The following MAP2K6 variants were observed in gnomAD, a reference collection of about 807,000 sequenced individuals.
MAP2K6 encodes mitogen-activated protein kinase kinase 6, also known as dual specificity mitogen-activated protein kinase kinase 6.
Under a neutral mutation model 53.7 loss-of-function variants are expected in MAP2K6, and 16 were observed. The ratio of observed to expected loss-of-function variants is 0.30; its 90% CI spans 0.20 to 0.45. The LOEUF (loss-of-function observed/expected upper bound fraction) is 0.45, where lower values mean the gene tolerates loss of function less well. Among genes scored for constraint, MAP2K6 ranks in the 20% least tolerant of loss-of-function variants. The pLI is 1.00. For synonymous variants in MAP2K6, 132 were observed against 143.1 expected (o/e 0.92, Z 0.55); for missense variants, 204 against 411.9 (o/e 0.50, Z 4.37).
intron 1 of MAP2K6, among the ~76,000 whole-genome samples, chr17:69,425,469 C>T (rs1349937075): frequency 6.6e-6 from 1 of 152,092 alleles, no homozygotes; most frequent in South Asian, 2.1e-4. Context: ...CCCACCACCA[C>T]ACCCAGCTAC....
intron 1 of MAP2K6, among the ~76,000 whole-genome samples, chr17:69,486,495 T>C (rs1205115276): frequency 1.3e-5 from 2 of 152,224 alleles, no homozygotes; most frequent in African/African-American, 4.8e-5. Context: ...CTGAGACTGA[T>C]GAGTGTTCTA....
intron 2 of MAP2K6, among the ~76,000 whole-genome samples, chr17:69,516,342 A>G (rs1488496623): frequency 6.6e-6 from 1 of 152,004 alleles, no homozygotes; most frequent in Non-Finnish European, 1.5e-5. Flanking sequence ...CTCCTATGAG[A>G]ATCTAATGCC....
intron 1 of MAP2K6, among the ~76,000 whole-genome samples, chr17:69,417,246 T>C (rs533961141): frequency 5.9e-5 from 9 of 152,206 alleles, no homozygotes; most frequent in Non-Finnish European, 1.2e-4. Context: ...CAAAATACTT[T>C]TTGCAGTACC....
intron 1 of MAP2K6, among the ~76,000 whole-genome samples, chr17:69,454,144 G>T (rs1423147342): frequency 6.6e-6 from 1 of 152,208 alleles, no homozygotes; most frequent in Non-Finnish European, 1.5e-5. Flanking sequence ...AGCAATAAAA[G>T]AAATATCAGG....
In MAP2K6 at chr17:69,550,674, G is replaced by GC. The variant is rs1912060364; in HGVS notation, c.*8925dup. On this transcript the variant is annotated 3_prime_UTR_variant, in exon 12 of 12. Transcript: ENST00000590474. ...TGGTTTTCAGACCATATTCAGTGGTGCCCCTGAGGGTCTCTTGTGAACAGA... is the reference window on the plus strand; with the variant it reads ...TGGTTTTCAGACCATATTCAGTGGTGCCCCCTGAGGGTCTCTTGTGAACAGA... 6.6e-6 allele frequency: 1 copy of GC among 152,182 alleles called. No homozygotes were observed. The highest frequency in any genetic ancestry group is 1.5e-5 in the Non-Finnish European group (1 of 68,040). The allele number at this position is 152,182 out of a possible 1,614,324, so 9.4% of individuals were successfully genotyped here. A position where few individuals can be genotyped will look rare whatever the true frequency, so the allele number is the denominator to read the frequency against.
chr17:69,506,269 A>G (rs181764041), intron 2 of MAP2K6, among the ~76,000 whole-genome samples: 256 of 148,486 alleles, frequency 1.7e-3, no homozygotes, highest in African/African-American at 6.2e-3. Flanking sequence ...TCTGTCCCAT[A>G]TAAACAGAAG....
rs370993805 is a variant in MAP2K6 at position 69,527,981 on chromosome 17, G to C, written c.881+1272G>C. ...AAATACAAAAAATTAACTGGGCATG[G>C]TGGTGGACAGCTGTAATCTCGGGAG... On this transcript the variant is annotated intron_variant, in intron 10 of 11. Coordinates refer to ENST00000590474, the MANE Select transcript of MAP2K6 (RefSeq NM_002758.4). Among the ~76,000 whole-genome samples the C allele has an allele frequency of 5.9e-5, 9 of 152,086 alleles. No individual in the cohort carries two copies. The East Asian group carries it at 9.7e-4, about 16-fold the overall frequency.
At chr17:69,415,094 T>G in intron 1 of MAP2K6, 94 bp downstream of exon 1, 1 of 1,271,978 alleles carries the variant, frequency 7.9e-7, no homozygotes, top group Non-Finnish European at 1.1e-6. Flanking sequence ...GAGTGCATTT[T>G]TAAGTTTGAG....
intron 1 of MAP2K6, 39 bp from the exon 2 acceptor site, chr17:69,505,741 A>G (rs1430253410): frequency 6.5e-7 from 1 of 1,529,516 alleles, no homozygotes; most frequent in Admixed American, 1.7e-5. Context: ...TCTTGCTATG[A>G]TTTAGTCCTT....
chr17:69,414,874 T>C lies in MAP2K6; in HGVS notation c.-111T>C. Reference sequence around the variant, plus strand: ...TGCATCGGTCAAGAGAAACTCCACTTGCATGAAGATTGCACGCCTGCAGCT... The same window carrying C: ...TGCATCGGTCAAGAGAAACTCCACTCGCATGAAGATTGCACGCCTGCAGCT... On this transcript the variant is annotated 5_prime_UTR_variant, in exon 1 of 12. Transcript: ENST00000590474. 1 of 956,684 alleles carries C rather than the reference T, an allele frequency of 1.0e-6. No homozygotes were observed. Among genetic ancestry groups the C allele is most frequent in the African/African-American group, 1.6e-5 (1 of 61,172 alleles). The allele number at this position is 956,684 out of a possible 1,614,324, so 59.3% of individuals were successfully genotyped here. A position where few individuals can be genotyped will look rare whatever the true frequency, so the allele number is the denominator to read the frequency against.
At chr17:69,511,094 A>G (rs961781105) in intron 2 of MAP2K6, among the ~76,000 whole-genome samples, 1 of 152,124 alleles carries the variant, frequency 6.6e-6, no homozygotes, top group South Asian at 2.1e-4. Flanking sequence ...TATAAATTTT[A>G]TGAATTTCGG....
intron 1 of MAP2K6, among the ~76,000 whole-genome samples, chr17:69,492,503 A>C (rs1193807949): frequency 1.3e-5 from 2 of 152,164 alleles, no homozygotes; most frequent in East Asian, 3.9e-4. Context: ...CTGTCCCGTT[A>C]AAACACCAGA....
intron 1 of MAP2K6, among the ~76,000 whole-genome samples, chr17:69,493,778 A>T (rs74573120): frequency 0.058 from 6,348 of 108,572 alleles, 398 homozygotes; most frequent in East Asian, 0.2. Context: ...AAGAAAAAAA[A>T]AAATATATGT....
chr17:69,500,812 A>C (rs1025911816), intron 1 of MAP2K6, among the ~76,000 whole-genome samples: 3 of 152,010 alleles, frequency 2.0e-5, no homozygotes, highest in Non-Finnish European at 2.9e-5. Flanking sequence ...AACTTTCTGT[A>C]ATTCCAGAGA....
At chr17:69,486,299 CAGTT>C (rs1316930595) in intron 1 of MAP2K6, among the ~76,000 whole-genome samples, 1 of 152,152 alleles carries the variant, frequency 6.6e-6, no homozygotes, top group Admixed American at 6.5e-5. Context: ...GAGAATGGAC[CAGTT>C]TCTTGGGGGA....
At chr17:69,418,771 C>A (rs996365184) in intron 1 of MAP2K6, among the ~76,000 whole-genome samples, 2 of 152,070 alleles carry the variant, frequency 1.3e-5, no homozygotes, top group Admixed American at 6.6e-5. Context: ...GCATACTATG[C>A]CCTTAGATTA....
intron 10 of MAP2K6, among the ~76,000 whole-genome samples, chr17:69,531,873 A>G (rs896998745): frequency 6.6e-6 from 1 of 152,152 alleles, no homozygotes; most frequent in African/African-American, 2.4e-5. Context: ...AGAGAAGTCT[A>G]ATAGAGAAGT....
At chr17:69,518,928 C>T (rs1910318528) in intron 4 of MAP2K6, among the ~76,000 whole-genome samples, 1 of 152,156 alleles carries the variant, frequency 6.6e-6, no homozygotes, top group Admixed American at 6.5e-5. Context: ...CTTACATGTT[C>T]CCAAAGAAGA....
chr17:69,523,982 C>A (rs1354190800), intron 8 of MAP2K6, among the ~76,000 whole-genome samples: 1 of 152,124 alleles, frequency 6.6e-6, no homozygotes. Flanking sequence ...CAGGATCATA[C>A]ATAGCACCTT....
Sources: allele counts gnomAD v4.1 joint callset (sites outside exome capture counted in the v4.1 genomes callset), GRCh38; gene constraint gnomAD v4.1.1; transcripts MANE v1.5; gene names NCBI Gene and HGNC (gene_info 2026-07-23, HGNC 2026-07-21).